Variants in TRAK2 observed in about 807,000 individuals in gnomAD.
TRAK2 encodes trafficking kinesin-binding protein 2.
In TRAK2, 81 loss-of-function variants were observed where a neutral mutation model predicts 104.6. The ratio of observed to expected loss-of-function variants is 0.77; its 90% confidence interval spans 0.65 to 0.93. TRAK2 has a LOEUF of 0.93. TRAK2 is among the 40% of genes least tolerant of loss of function. The pLI is 0.00. For synonymous variants in TRAK2, 406 were observed against 394.4 expected (o/e 1.03, Z -0.35); for missense variants, 1,002 against 1,089.0 (o/e 0.92, Z 1.12).
In TRAK2 at chr2:201,377,458, G is replaced by C. The variant is rs921971831; in HGVS notation, c.*3085C>G. On this transcript the variant is annotated 3_prime_UTR_variant, in exon 16 of 16. Transcript: ENST00000332624. ...GCATGCATCTGACATCAGAGAAGTG[G>C]CCCACTAAACACTAAGAGCCCTAGT... is the stretch of plus-strand genomic sequence containing the variant. 1.3e-5 allele frequency: 2 copies of C among 152,116 alleles called. No homozygotes were observed. Among genetic ancestry groups the C allele is most frequent in the Non-Finnish European group, 2.9e-5 (2 of 68,026 alleles). 9.4% of individuals were successfully genotyped at this position (152,116 alleles called of 1,614,324 possible).
chr2:201,409,258 G>A (rs915831825), intron 2 of TRAK2, among the ~76,000 whole-genome samples: 3 of 151,596 alleles, frequency 2.0e-5, no homozygotes, highest in Non-Finnish European at 2.9e-5. Context: ...GCACACTGTG[G>A]AGGCACTCTA....
At position 201,447,888 on chromosome 2, in the gene TRAK2, C is replaced by A. The variant is rs772179623; in HGVS notation, c.-200+3462G>T. Among the ~76,000 whole-genome samples, 6 of 152,354 alleles carry A rather than the reference C, an allele frequency of 3.9e-5. No homozygotes were observed. Among genetic ancestry groups the A allele is most frequent in the Non-Finnish European group, 4.4e-5 (3 of 68,038 alleles). On this transcript the variant is annotated intron_variant, in intron 1 of 15. Transcript: ENST00000332624. The surrounding 1 kb of genome is among the most constrained non-coding windows in gnomAD (Gnocchi z 4.1). ...GTAACTTCAGTGTTCTTTCTCTGTG[C>A]TCCCAAAGTACCTCGGCAAGCTGTG...
chr2:201,409,205 G>C (rs1356085181), intron 2 of TRAK2, among the ~76,000 whole-genome samples: 1 of 151,540 alleles, frequency 6.6e-6, no homozygotes, highest in East Asian at 1.9e-4. Context: ...AATTAAATGA[G>C]ACAAATGCAT....
At chr2:201,414,583 G>C (rs1432859393) in intron 2 of TRAK2, among the ~76,000 whole-genome samples, 1 of 152,152 alleles carries the variant, frequency 6.6e-6, no homozygotes, top group Non-Finnish European at 1.5e-5. Context: ...GCAGTGGCTT[G>C]ATCACCACAA....
At chr2:201,426,188 C>T (rs142845391) in intron 1 of TRAK2, among the ~76,000 whole-genome samples, 3 of 152,160 alleles carry the variant, frequency 2.0e-5, no homozygotes, top group African/African-American at 4.8e-5. Flanking sequence ...CCCCATCACT[C>T]GCATTACTGC....
At chr2:201,396,265 T>A (rs1432892324) in intron 7 of TRAK2, among the ~76,000 whole-genome samples, 1 of 152,176 alleles carries the variant, frequency 6.6e-6, no homozygotes, top group Admixed American at 6.6e-5. Context: ...TATTTTAAAG[T>A]GTAAAAGGTG....
intron 1 of TRAK2, among the ~76,000 whole-genome samples, chr2:201,440,330 T>C (rs1576539282): frequency 6.6e-6 from 1 of 152,192 alleles, no homozygotes; most frequent in Non-Finnish European, 1.5e-5. Context: ...TAACTCGCTG[T>C]TGGCTGAGAA....
chr2:201,426,857 G>C (rs569441416), intron 1 of TRAK2, among the ~76,000 whole-genome samples: 3 of 152,286 alleles, frequency 2.0e-5, no homozygotes, highest in Non-Finnish European at 4.4e-5. Context: ...CTAAATCTGA[G>C]CTCCTCAGAA....
At chr2:201,424,887 G>A (rs866097928) in intron 1 of TRAK2, among the ~76,000 whole-genome samples, 4 of 152,124 alleles carry the variant, frequency 2.6e-5, no homozygotes, top group East Asian at 1.9e-4. Flanking sequence ...GATTACAGGC[G>A]TGAGCCACTG....
At chr2:201,422,552 G>A (rs904055241) in intron 1 of TRAK2, among the ~76,000 whole-genome samples, 46 of 152,258 alleles carry the variant, frequency 3.0e-4, no homozygotes, top group Non-Finnish European at 4.1e-4. Flanking sequence ...AGTAAATAAA[G>A]GAGACTGAAA....
chr2:201,413,415 G>A (rs747133097), intron 2 of TRAK2: 6 of 490,716 alleles, frequency 1.2e-5, no homozygotes, highest in Non-Finnish European at 2.1e-5. Context: ...TTCCTGCTCT[G>A]CCTTCACACG....
At chr2:201,384,085 GC>G in intron 15 of TRAK2, 25 bp downstream of exon 15, 1 of 1,432,706 alleles carries the variant, frequency 7.0e-7, no homozygotes, top group South Asian at 1.2e-5. Context: ...AAGAAGTGAG[GC>G]CCCAGATTTC....
chr2:201,406,165 TTAAAAGAA>T lies in TRAK2; in HGVS notation c.286+1230_286+1237del, dbSNP rs537692986. ...CCTTAATTTAACTTAATTTAGCTAT[TTAAAAGAA>T]ATATTAAGGACAAAAACACAATAGT... On this transcript the variant is annotated intron_variant, in intron 3 of 15. Transcript: ENST00000332624. Among the ~76,000 whole-genome samples the T allele has an allele frequency of 2.2e-3, 335 of 152,336 alleles. 2 individuals carry two copies. The highest frequency in any genetic ancestry group is 7.4e-3 in the African/African-American group (306 of 41,582).
Position 201,397,591 on chromosome 2 carries a change from A to G in TRAK2, c.691-11T>C. The G allele has an allele frequency of 6.3e-7, 1 of 1,595,162 alleles. No individual in the cohort carries two copies. Among genetic ancestry groups the G allele is most frequent in the South Asian group, 1.1e-5 (1 of 90,264 alleles). The stretch of plus-strand genomic sequence containing the variant: ...CTTTATGTGACAAGCCTTCAAGAAA[A>G]AAATCAGTATGTGACAATACCTTCT... On this transcript the variant is annotated splice_polypyrimidine_tract_variant and intron_variant, in intron 6 of 15. Coordinates refer to ENST00000332624, the MANE Select transcript of TRAK2 (RefSeq NM_015049.3).
At position 201,387,921 on chromosome 2, in the gene TRAK2, C is replaced by T. The variant is rs765264094; in HGVS notation, c.1478G>A (p.Arg493Gln). ...ATALHRLSLR[R>Q]QNYLSEKQFF... ...CTGCTTCTCACTTAAATAGTTTTGT[C>T]GACGCAAGCTAAGGCGATGCAGTGC... Residue 493 changes from arginine to glutamine, a missense_variant, in exon 13 of 16, where the codon CGA (arginine) becomes CAA (glutamine). Coordinates refer to ENST00000332624, the MANE Select transcript of TRAK2 (RefSeq NM_015049.3). 5.0e-6 allele frequency: 8 copies of T among 1,614,096 alleles called. No homozygotes were observed. Among genetic ancestry groups the T allele is most frequent in the Admixed American group, 1.7e-5 (1 of 60,012 alleles).
intron 1 of TRAK2, among the ~76,000 whole-genome samples, chr2:201,436,960 T>A (rs1231043046): frequency 1.3e-5 from 2 of 152,184 alleles, no homozygotes; most frequent in Non-Finnish European, 1.5e-5. Context: ...ATTAAAGACA[T>A]ACCTATTTTA....
intron 3 of TRAK2, among the ~76,000 whole-genome samples, chr2:201,405,015 C>G (rs1951581201): frequency 6.6e-6 from 1 of 152,110 alleles, no homozygotes; most frequent in Non-Finnish European, 1.5e-5. Context: ...CCCTACAGAC[C>G]ATTTGAATGA....
In TRAK2 at chr2:201,407,386, G is replaced by C; in HGVS notation, c.286+17C>G. ...TTACTTTAATGCACAAACTAAAAGA[G>C]TAAAAAAAATACTCACTCATGTAAC... On this transcript the variant is annotated intron_variant, in intron 3 of 15. Coordinates refer to ENST00000332624, the MANE Select transcript of TRAK2 (RefSeq NM_015049.3). The C allele has an allele frequency of 1.2e-6, 2 of 1,602,706 alleles. No homozygotes were observed. Among genetic ancestry groups the C allele is most frequent in the Non-Finnish European group, 1.7e-6 (2 of 1,173,704 alleles).
chr2:201,425,625 TCCTGACCTCAGGTGATCCACC>T (rs1204481756), intron 1 of TRAK2, among the ~76,000 whole-genome samples: 1 of 152,106 alleles, frequency 6.6e-6, no homozygotes, highest in Non-Finnish European at 1.5e-5. Context: ...GGTCTCAAAC[TCCTGACCTCAGGTGATCCACC>T]CACCTCGACC....
Sources: allele counts gnomAD v4.1 joint callset (sites outside exome capture counted in the v4.1 genomes callset), GRCh38; gene constraint gnomAD v4.1.1; non-coding constraint Gnocchi (gnomAD v3.1); transcripts MANE v1.5; gene names NCBI Gene and HGNC (gene_info 2026-07-23, HGNC 2026-07-21).